Variants in COG5 observed in about 807,000 individuals in gnomAD.
COG5 encodes the protein component of oligomeric golgi complex 5, also known as conserved oligomeric Golgi complex subunit 5.
COG5 carries 86 observed loss-of-function variants against 110.4 expected under a neutral mutation model. The ratio of observed to expected loss-of-function variants is 0.78; its 90% CI spans 0.65 to 0.93. The LOEUF (loss-of-function observed/expected upper bound fraction) is 0.93, where lower values mean the gene tolerates loss of function less well. Among genes scored for constraint, COG5 ranks in the 40% least tolerant of loss-of-function variants. The probability of loss-of-function intolerance (pLI) is 0.00; values close to 1 mark genes in which losing one functional copy is unlikely to be tolerated. For synonymous variants in COG5, 360 were observed against 334.6 expected (o/e 1.08, Z -0.83); for missense variants, 1,077 against 987.0 (o/e 1.09, Z -1.22).
chr7:107,295,559 T>C (rs573029162), intron 12 of COG5, among the ~76,000 whole-genome samples: 6 of 152,064 alleles, frequency 3.9e-5, no homozygotes, highest in Non-Finnish European at 7.4e-5. Flanking sequence ...ACATCTCCCA[T>C]CTCTTTTTCT....
At chr7:107,233,753 T>A (rs1800946508) in intron 18 of COG5, among the ~76,000 whole-genome samples, 1 of 152,180 alleles carries the variant, frequency 6.6e-6, no homozygotes, top group Non-Finnish European at 1.5e-5. Context: ...CTTTCAGTAA[T>A]AAGGCAGTTG....
At chr7:107,353,228 A>T (rs1812318172) in intron 10 of COG5, among the ~76,000 whole-genome samples, 1 of 152,092 alleles carries the variant, frequency 6.6e-6, no homozygotes, top group South Asian at 2.1e-4. Flanking sequence ...GATCGAGACC[A>T]TCCTGGCTAA....
rs562273467 is a variant in COG5 at position 107,460,731 on chromosome 7, A to C, written c.539-48099T>G. On this transcript the variant is annotated intron_variant, in intron 6 of 21. Coordinates refer to ENST00000297135, the MANE Select transcript of COG5 (RefSeq NM_006348.5). ...AACTTGTAGGCAAACTCAAAAAGAAAAAAAGATGATAGAAATTGTCAAATA... is the reference window on the plus strand; with the variant it reads ...AACTTGTAGGCAAACTCAAAAAGAACAAAAGATGATAGAAATTGTCAAATA... Among the ~76,000 whole-genome samples, 3 of 152,260 alleles carry C rather than the reference A, an allele frequency of 2.0e-5. No homozygotes were observed. In the South Asian group the frequency reaches 6.2e-4, roughly 32 times the overall value.
chr7:107,324,384 A>C (rs1809575864), intron 11 of COG5, 56 bp downstream of exon 11: 2 of 1,135,676 alleles, frequency 1.8e-6, no homozygotes, highest in Non-Finnish European at 1.3e-6. Flanking sequence ...TTGACATCAA[A>C]TGATAAAATA....
At chr7:107,207,323 T>G (rs1275229688) in intron 21 of COG5, among the ~76,000 whole-genome samples, 1 of 152,188 alleles carries the variant, frequency 6.6e-6, no homozygotes, top group Non-Finnish European at 1.5e-5. Context: ...TTGGGAGTTC[T>G]GCAGAAGTAC....
At chr7:107,318,173 G>A (rs1584670172) in intron 11 of COG5, among the ~76,000 whole-genome samples, 1 of 151,938 alleles carries the variant, frequency 6.6e-6, no homozygotes, top group East Asian at 1.9e-4. Context: ...GACTACAGAC[G>A]CGTGCCACCA....
chr7:107,478,638 G>A (rs73724520), intron 6 of COG5, among the ~76,000 whole-genome samples: 1,972 of 151,986 alleles, frequency 0.013, 47 homozygotes, highest in African/African-American at 0.044. Flanking sequence ...TCATAGTTAT[G>A]TATGTATAGG....
At chr7:107,208,509 C>T (rs2116164345) in intron 21 of COG5, 2 of 985,388 alleles carry the variant, frequency 2.0e-6, no homozygotes, top group Non-Finnish European at 2.4e-6. Context: ...CTTTTTAAGA[C>T]GACTGAGTGT....
chr7:107,478,838 T>C (rs1019480207), intron 6 of COG5, among the ~76,000 whole-genome samples: 2 of 151,928 alleles, frequency 1.3e-5, no homozygotes, highest in Admixed American at 6.6e-5. Context: ...GGTCAAAAAA[T>C]CTAAAATCAT....
chr7:107,475,874 C>G (rs951437834), intron 6 of COG5, among the ~76,000 whole-genome samples: 2 of 151,338 alleles, frequency 1.3e-5, no homozygotes, highest in African/African-American at 4.8e-5. Flanking sequence ...ATATTTGATG[C>G]ATCACAAATA....
At chr7:107,533,621 G>A (rs1315242238) in intron 5 of COG5, among the ~76,000 whole-genome samples, 1 of 151,518 alleles carries the variant, frequency 6.6e-6, no homozygotes, top group Non-Finnish European at 1.5e-5. Context: ...AGAGAAAAAA[G>A]AATGAAAAAG....
chr7:107,396,561 T>A, intron 7 of COG5, among the ~76,000 whole-genome samples: 2 of 148,678 alleles, frequency 1.3e-5, no homozygotes, highest in East Asian at 2.0e-4. Flanking sequence ...GAGAGAAAAA[T>A]GACAAGAGGT....
At chr7:107,239,804 T>C (rs867717638) in intron 17 of COG5, among the ~76,000 whole-genome samples, 2 of 152,256 alleles carry the variant, frequency 1.3e-5, no homozygotes, top group Non-Finnish European at 1.5e-5. Context: ...TCTCCTATTA[T>C]TGATGTCTAG....
chr7:107,236,842 G>A (rs1445098454), intron 17 of COG5, among the ~76,000 whole-genome samples, 155 bp from the exon 18 acceptor site: 1 of 152,164 alleles, frequency 6.6e-6, no homozygotes, highest in African/African-American at 2.4e-5. Context: ...ATAAGCGTTA[G>A]CAGAAAACAA....
intron 6 of COG5, among the ~76,000 whole-genome samples, chr7:107,492,571 G>T (rs921027580): frequency 5.9e-5 from 9 of 152,090 alleles, no homozygotes; most frequent in African/African-American, 2.2e-4. Context: ...TCACTTCCTT[G>T]CAGGCTATCA....
At chr7:107,316,350 G>C (rs1422439231) in intron 11 of COG5, among the ~76,000 whole-genome samples, 1 of 152,180 alleles carries the variant, frequency 6.6e-6, no homozygotes, top group African/African-American at 2.4e-5. Flanking sequence ...AGGTAAATGG[G>C]TGACCTTGAA....
chr7:107,220,199 C>A (rs961855505), intron 19 of COG5, among the ~76,000 whole-genome samples: 27 of 152,288 alleles, frequency 1.8e-4, no homozygotes, highest in African/African-American at 6.3e-4. Flanking sequence ...TATACAGAAA[C>A]AAAGACCTCT....
intron 21 of COG5, among the ~76,000 whole-genome samples, chr7:107,204,371 T>C (rs1466474592): frequency 2.6e-5 from 4 of 152,188 alleles, no homozygotes; most frequent in Admixed American, 1.3e-4. Context: ...GTCTGAAATA[T>C]ATCTGGCCCT....
At chr7:107,238,808 G>C (rs138559979) in intron 17 of COG5, among the ~76,000 whole-genome samples, 1 of 152,144 alleles carries the variant, frequency 6.6e-6, no homozygotes, top group Non-Finnish European at 1.5e-5. Flanking sequence ...TTTGAGAAAT[G>C]TCTGTTCAGG....
Sources: gnomAD v4.1 joint callset for allele counts (sites outside exome capture counted in the v4.1 genomes callset) on GRCh38, gnomAD v4.1.1 for gene constraint, MANE v1.5 for transcripts, NCBI Gene and HGNC (gene_info 2026-07-23, HGNC 2026-07-21) for gene names.